UBN2: variants seen among roughly 807,000 people sequenced by gnomAD.
The protein encoded by UBN2 is ubinuclein-2.
Under a neutral mutation model 120.2 loss-of-function variants are expected in UBN2, and 35 were observed. The observed-to-expected ratio is 0.29, with a 90% confidence interval of 0.22 to 0.39. The LOEUF (loss-of-function observed/expected upper bound fraction) is 0.39. Among genes scored for constraint, UBN2 ranks in the 10% least tolerant of loss-of-function variants. The pLI is 1.00. For missense variants in UBN2, 1,693 were observed against 1,663.2 expected, an observed-to-expected ratio of 1.02 and a Z score of -0.31; for synonymous variants, 661 against 648.7, an observed-to-expected ratio of 1.02 and a Z score of -0.29.
chr7:139,257,617 T>G (rs1411242693), intron 3 of UBN2, among the ~76,000 whole-genome samples: 2 of 152,006 alleles, frequency 1.3e-5, no homozygotes, highest in Non-Finnish European at 2.9e-5. Context: ...GGGGTTTCAC[T>G]ATGTTGGCCA....
At chr7:139,309,224 G>A (rs563539109), downstream of UBN2, among the ~76,000 whole-genome samples, 1 of 152,228 alleles carries the variant, frequency 6.6e-6, no homozygotes, top group South Asian at 2.1e-4. Flanking sequence ...ATATCAAAAA[G>A]GACATAACAC....
chr7:139,261,369 G>A lies in UBN2; in HGVS notation c.1023G>A (p.Glu341=), dbSNP rs756470088. 6.2e-7 allele frequency: 1 copy of A among 1,614,206 alleles called. No individual in the cohort carries two copies. Among genetic ancestry groups the A allele is most frequent in the South Asian group, 1.1e-5 (1 of 91,082 alleles). Residue 341 remains glutamate (E), a synonymous_variant, in exon 6 of 18, where the codon GAG becomes GAA. Transcript: ENST00000473989. ...FQKEKDALKK[E]SNPKVPVTLS... ...AAGAGAAGGATGCATTAAAGAAGGA[G>A]TCTAACCCCAAAGTCCCAGTGACCT...
At chr7:139,309,949 T>G (rs922574054), downstream of UBN2, among the ~76,000 whole-genome samples, 1 of 152,230 alleles carries the variant, frequency 6.6e-6, no homozygotes, top group South Asian at 2.1e-4. Flanking sequence ...TCAGTACTTT[T>G]TCTTATTTTT....
At chr7:139,249,999 C>T (rs1453931323) in intron 2 of UBN2, among the ~76,000 whole-genome samples, 1 of 152,142 alleles carries the variant, frequency 6.6e-6, no homozygotes, top group Non-Finnish European at 1.5e-5. Flanking sequence ...CTGCACCTGG[C>T]CTTCTCTTCT....
At chr7:139,263,469 T>A (rs972162161) in intron 6 of UBN2, among the ~76,000 whole-genome samples, 1 of 152,146 alleles carries the variant, frequency 6.6e-6, no homozygotes, top group Non-Finnish European at 1.5e-5. Context: ...AAGGCCAGCA[T>A]TTTTAAAAAA....
At position 139,283,103 on chromosome 7, in the gene UBN2, C is replaced by T. The variant is rs1797662758; in HGVS notation, c.2198C>T (p.Thr733Ile). ...AGCGGTCCTCCAACGAGCTCCAGCA[C>T]AGCTGCCATTGCTGCAGCTAGCTCT... ...SVSGPPTSSS[T>I]AAIAAASSSS... The change falls in exon 15 of 18, where the codon ACA becomes ATA. Residue 733 changes from threonine (T) to isoleucine (I), a missense_variant. Around this residue, in one of 5 missense-constraint regions of UBN2, gnomAD observed 837 missense variants for 817.6 expected, o/e 1.02. Transcript: ENST00000473989. The T allele has an allele frequency of 2.5e-6, 4 of 1,613,076 alleles. No individual in the cohort carries two copies. The highest frequency in any genetic ancestry group is 1.3e-5 in the African/African-American group (1 of 74,494).
chr7:139,245,497 A>G (rs931026772), intron 2 of UBN2, among the ~76,000 whole-genome samples: 1 of 152,172 alleles, frequency 6.6e-6, no homozygotes, highest in African/African-American at 2.4e-5. Context: ...ACTCAGAACT[A>G]TTATGGTTTC....
Position 139,283,870 on chromosome 7 carries a change from C to G in UBN2, c.2965C>G (p.Pro989Ala). 2 of 1,614,170 alleles carry G rather than the reference C, an allele frequency of 1.2e-6. No homozygotes were observed. The highest frequency in any genetic ancestry group is 2.7e-5 in the African/African-American group (2 of 75,016). ...MYRLPLSTPSPGNGSQGSHPL... is the reference protein window; with the variant it reads ...MYRLPLSTPSAGNGSQGSHPL... ...CCGCCTTCCCTTATCTACCCCCTCACCTGGAAATGGTTCTCAAGGGTCCCA... is the reference window on the plus strand; with the variant it reads ...CCGCCTTCCCTTATCTACCCCCTCAGCTGGAAATGGTTCTCAAGGGTCCCA... The change falls in exon 15 of 18, where the codon CCT becomes GCT. Residue 989 changes from proline to alanine, a missense_variant. Pro to Ala is a conservative substitution (Grantham distance 27). Transcript: ENST00000473989.
At chr7:139,272,524 A>C in intron 9 of UBN2, 84 bp downstream of exon 9, 2 of 848,316 alleles carry the variant, frequency 2.4e-6, no homozygotes, top group Non-Finnish European at 3.6e-6. Context: ...GTATGTATGT[A>C]TGTATGTATG....
the UBN2 span, among the ~76,000 whole-genome samples, chr7:139,324,926 C>A: frequency 6.6e-6 from 1 of 151,734 alleles, no homozygotes; most frequent in East Asian, 1.9e-4. Context: ...GCCGAGATTG[C>A]GCCACTGGAC....
At position 139,293,444 on chromosome 7, in the gene UBN2, C is replaced by T. The variant is rs766183436; in HGVS notation, c.3882C>T (p.Phe1294=). 1.9e-6 allele frequency: 3 copies of T among 1,614,148 alleles called. No homozygotes were observed. Among genetic ancestry groups the T allele is most frequent in the Non-Finnish European group, 2.5e-6 (3 of 1,180,024 alleles). Residue 1294 remains phenylalanine (F), a synonymous_variant, in exon 16 of 18, where the codon TTC becomes TTT. Coordinates refer to ENST00000473989, the MANE Select transcript of UBN2 (RefSeq NM_173569.4). The part of the protein sequence containing the change: ...TTTSGSTSAA[F]HHSLTQNLLK... ...CCTCGGGATCTACCTCAGCCGCTTT[C>T]CACCATAGCCTAACTCAGAGTAAGT...
chr7:139,258,095 C>T (rs61346364), intron 3 of UBN2, among the ~76,000 whole-genome samples: 1,847 of 152,268 alleles, frequency 0.012, 45 homozygotes, highest in African/African-American at 0.042. Flanking sequence ...TATAAAATCT[C>T]CTTATGGTAG....
chr7:139,324,265 A>G, the UBN2 span, among the ~76,000 whole-genome samples: 1 of 152,200 alleles, frequency 6.6e-6, no homozygotes, highest in African/African-American at 2.4e-5. Context: ...TGAGACATTA[A>G]CTGCCAATTT....
chr7:139,267,232 T>C (rs1280003912), intron 7 of UBN2, among the ~76,000 whole-genome samples: 1 of 152,150 alleles, frequency 6.6e-6, no homozygotes, highest in Non-Finnish European at 1.5e-5. Context: ...GCATCATGTA[T>C]TATAGAAAGA....
chr7:139,323,787 A>G, the UBN2 span, among the ~76,000 whole-genome samples: 2 of 151,764 alleles, frequency 1.3e-5, no homozygotes, highest in Non-Finnish European at 2.9e-5. Flanking sequence ...TTGGGGTTTC[A>G]CCATGTTGGC....
At chr7:139,248,843 T>C (rs1796542633) in intron 2 of UBN2, among the ~76,000 whole-genome samples, 1 of 152,076 alleles carries the variant, frequency 6.6e-6, no homozygotes, top group Non-Finnish European at 1.5e-5. Flanking sequence ...CTCTCTTTCC[T>C]TTTCCTGAAT....
chr7:139,244,996 T>C (rs1322012096), intron 2 of UBN2, among the ~76,000 whole-genome samples: 1 of 151,878 alleles, frequency 6.6e-6, no homozygotes, highest in Non-Finnish European at 1.5e-5. Flanking sequence ...TGCCGTGATG[T>C]GATCATAGCT....
intron 1 of UBN2, among the ~76,000 whole-genome samples, chr7:139,233,318 C>T (rs1317114662): frequency 6.6e-6 from 1 of 152,026 alleles, no homozygotes; most frequent in Non-Finnish European, 1.5e-5. Flanking sequence ...ACTTTTTTCC[C>T]AAAAGAATAT....
rs906139798 is a variant in UBN2 at position 139,301,161 on chromosome 7, A to G, written c.*3325A>G. The G allele has an allele frequency of 1.1e-4, 17 of 152,308 alleles. No individual in the cohort carries two copies. Among genetic ancestry groups the G allele is most frequent in the South Asian group, 4.1e-4 (2 of 4,834 alleles). The allele number at this position is 152,308 out of a possible 1,614,324, so 9.4% of individuals were successfully genotyped here. ...ATGGACATTGAATAGGGTTTATTGA[A>G]TCAGGAAGGTAAGGGGAAGAACCGG... On this transcript the variant is annotated 3_prime_UTR_variant, in exon 18 of 18. Transcript: ENST00000473989.
Sources: allele counts gnomAD v4.1 joint callset (sites outside exome capture counted in the v4.1 genomes callset), GRCh38; gene constraint gnomAD v4.1.1; regional missense constraint gnomAD v4.1.1; transcripts MANE v1.5; gene names NCBI Gene and HGNC (gene_info 2026-07-23, HGNC 2026-07-21).